The following CSMD1 variants were observed in gnomAD, a reference collection of about 807,000 sequenced individuals.
CSMD1 encodes the protein CUB and Sushi multiple domains 1.
Under a neutral mutation model 417.5 loss-of-function variants are expected in CSMD1, and 213 were observed. The observed-to-expected ratio is 0.51, with a 90% CI of 0.46 to 0.57. The LOEUF is 0.57. CSMD1 is among the 20% of genes least tolerant of loss of function. The pLI is 0.00. For missense variants in CSMD1, 6,923 were observed against 4,529.7 expected (o/e 1.53, Z -15.17); for synonymous variants, 2,862 against 1,736.8 (o/e 1.65, Z -16.11).
chr8:4,792,779 C>A (rs1354409661), intron 1 of CSMD1, among the ~76,000 whole-genome samples: 1 of 152,092 alleles, frequency 6.6e-6, no homozygotes, highest in African/African-American at 2.4e-5. Flanking sequence ...TCACTCAGTA[C>A]CATGCGTTCC....
In CSMD1 at chr8:4,737,991, T is replaced by C. The variant is rs183600616; in HGVS notation, c.86-100433A>G. On this transcript the variant is annotated intron_variant, in intron 1 of 69. Coordinates refer to ENST00000635120, the MANE Select transcript of CSMD1 (RefSeq NM_033225.6). ...GCCTGCCATTGAAGCAAAGTAATGA[T>C]AGCATATCCTTTCTCCACATGTAAC... 1.5e-3 allele frequency among the ~76,000 whole-genome samples: 227 copies of C among 152,320 alleles called. 1 individual carries two copies. Among genetic ancestry groups the C allele is most frequent in the Non-Finnish European group, 1.7e-3 (119 of 68,028 alleles).
rs527372034 is a variant in CSMD1 at position 3,576,532 on chromosome 8, TA to T, written c.1223-1467del. On this transcript the variant is annotated intron_variant, in intron 9 of 69. Transcript: ENST00000635120. The stretch of plus-strand genomic sequence containing the variant: ...AGTTGCTTCCTACTTACTATGGAAA[TA>T]ATTAGCTAAAATTGACCTATTCTAC... 6.6e-5 allele frequency among the ~76,000 whole-genome samples: 10 copies of T among 152,302 alleles called. No homozygotes were observed. The East Asian group carries it at 1.7e-3, about 26-fold the overall frequency.
chr8:4,820,497 A>C (rs2117383004), intron 1 of CSMD1, among the ~76,000 whole-genome samples: 1 of 152,318 alleles, frequency 6.6e-6, no homozygotes, highest in Middle Eastern at 3.4e-3. Context: ...AAGAGCCATA[A>C]GGAAATGGCC....
intron 3 of CSMD1, among the ~76,000 whole-genome samples, chr8:4,173,032 T>A (rs1224188210): frequency 1.3e-5 from 2 of 152,158 alleles, no homozygotes; most frequent in African/African-American, 4.8e-5. Context: ...TTTTAGCCCC[T>A]AATATTGCAA....
intron 1 of CSMD1, among the ~76,000 whole-genome samples, chr8:4,793,149 T>A (rs1234943559): frequency 2.0e-5 from 3 of 152,166 alleles, no homozygotes; most frequent in African/African-American, 7.2e-5. Flanking sequence ...AGGTACCAAA[T>A]TCTTTAACCT....
intron 5 of CSMD1, among the ~76,000 whole-genome samples, chr8:3,778,144 G>A (rs979355868): frequency 6.6e-6 from 1 of 152,210 alleles, no homozygotes; most frequent in Admixed American, 6.5e-5. Context: ...TGGAGTCAGT[G>A]GAAAAATGTG....
rs146477106 is a variant in CSMD1, at chr8:4,545,887, C to T, written c.302+91455G>A. Among the ~76,000 whole-genome samples, 135 of 152,254 alleles carry T rather than the reference C, an allele frequency of 8.9e-4. 2 individuals carry two copies. The East Asian group carries it at 0.024, about 27-fold the overall frequency. On this transcript the variant is annotated intron_variant, in intron 2 of 69. Transcript: ENST00000635120. ...GGTGTCCTCTATCCCCTATATTTTA[C>T]ATTTAGTTCTCTCTTTTCTCCATCA...
intron 6 of CSMD1, 30 bp downstream of exon 6, chr8:3,753,900 T>C: frequency 6.8e-7 from 1 of 1,479,214 alleles, no homozygotes; most frequent in Admixed American, 1.8e-5. Context: ...CTCTGTTTTT[T>C]TTTTTTCTTA....
At chr8:3,205,810 C>G (rs190343619) in intron 30 of CSMD1, among the ~76,000 whole-genome samples, 190 bp from the exon 31 acceptor site, 33 of 152,148 alleles carry the variant, frequency 2.2e-4, no homozygotes, top group Admixed American at 2.1e-3. Context: ...AAGAAGTAAT[C>G]CAACTTAGGA....
rs142814266 is a variant in CSMD1 at position 3,728,871 on chromosome 8, C to A, written c.932-20380G>T. 4.6e-5 allele frequency among the ~76,000 whole-genome samples: 7 copies of A among 152,310 alleles called. No individual in the cohort carries two copies. The East Asian group carries it at 1.4e-3, about 29-fold the overall frequency. On this transcript the variant is annotated intron_variant, in intron 6 of 69. Coordinates refer to ENST00000635120, the MANE Select transcript of CSMD1 (RefSeq NM_033225.6). ...ACTGAAGCAGATTCATGGACTAAGGCAGGGATACTGGCATCCACGTGGTTT... is the reference window on the plus strand; with the variant it reads ...ACTGAAGCAGATTCATGGACTAAGGAAGGGATACTGGCATCCACGTGGTTT...
At chr8:4,166,506 T>G (rs991318782) in intron 3 of CSMD1, among the ~76,000 whole-genome samples, 1 of 152,134 alleles carries the variant, frequency 6.6e-6, no homozygotes, top group South Asian at 2.1e-4. Flanking sequence ...AACTCAGGAA[T>G]GGAAAAGCAA....
intron 10 of CSMD1, among the ~76,000 whole-genome samples, chr8:3,548,909 G>A (rs1284438927): frequency 2.0e-5 from 3 of 152,048 alleles, no homozygotes; most frequent in Non-Finnish European, 4.4e-5. Context: ...CTTCTCACCT[G>A]GTGGTCACAC....
Position 3,398,923 on chromosome 8 carries a change from T to C in CSMD1, c.2405+468A>G, listed in dbSNP as rs913779777. On this transcript the variant is annotated intron_variant, in intron 16 of 69. Coordinates refer to ENST00000635120, the MANE Select transcript of CSMD1 (RefSeq NM_033225.6). ...GATAATGTCACTCATAGGCGATTAG[T>C]TGGTGATTGATCTGCTGTCCGCACC... Among the ~76,000 whole-genome samples, 11 of 152,286 alleles carry C rather than the reference T, an allele frequency of 7.2e-5. No individual in the cohort carries two copies. In the East Asian group the frequency reaches 1.9e-3, roughly 27 times the overall value.
At chr8:3,747,492 C>A (rs937917168) in intron 6 of CSMD1, among the ~76,000 whole-genome samples, 1 of 133,338 alleles carries the variant, frequency 7.5e-6, no homozygotes, top group African/African-American at 2.7e-5. Flanking sequence ...ACAAATCATA[C>A]GTTTGTTTTT....
chr8:3,890,978 G>A (rs186215441), intron 5 of CSMD1, among the ~76,000 whole-genome samples: 1 of 152,012 alleles, frequency 6.6e-6, no homozygotes, highest in East Asian at 1.9e-4. Flanking sequence ...TGAAATGGAT[G>A]TTATGGACAT....
At chr8:4,678,736 A>G (rs529707029) in intron 1 of CSMD1, among the ~76,000 whole-genome samples, 60 of 152,200 alleles carry the variant, frequency 3.9e-4, no homozygotes, top group Admixed American at 1.4e-3. Context: ...CACATGTGCT[A>G]ATTTCAAAAT....
intron 3 of CSMD1, among the ~76,000 whole-genome samples, chr8:4,153,500 G>A (rs1796675546): frequency 6.6e-6 from 1 of 152,160 alleles, no homozygotes; most frequent in Admixed American, 6.5e-5. Flanking sequence ...TGACATTTCT[G>A]CTCACAATTG....
At chr8:4,751,262 G>A (rs997959922) in intron 1 of CSMD1, among the ~76,000 whole-genome samples, 2 of 152,106 alleles carry the variant, frequency 1.3e-5, no homozygotes, top group Non-Finnish European at 1.5e-5. Context: ...GCACGCACCT[G>A]CAGTCCCAGC....
chr8:3,913,962 G>C (rs986841714), intron 5 of CSMD1, among the ~76,000 whole-genome samples: 1 of 151,936 alleles, frequency 6.6e-6, no homozygotes, highest in African/African-American at 2.4e-5. Context: ...TTCAGATAAA[G>C]GAAAGTACTT....
Sources: allele counts gnomAD v4.1 joint callset (sites outside exome capture counted in the v4.1 genomes callset), GRCh38; gene constraint gnomAD v4.1.1; transcripts MANE v1.5; gene names NCBI Gene and HGNC (gene_info 2026-07-23, HGNC 2026-07-21).